Variants in NPHP1 observed in about 807,000 individuals in gnomAD.
NPHP1 encodes the protein nephrocystin-1.
NPHP1 carries 70 observed loss-of-function variants against 90.4 expected under a neutral mutation model. The ratio of observed to expected loss-of-function variants is 0.77; its 90% CI spans 0.64 to 0.95. The LOEUF is 0.95. Among genes scored for constraint, NPHP1 ranks in the 40% least tolerant of loss-of-function variants. The probability of loss-of-function intolerance (pLI) is 0.00; values close to 1 mark genes in which losing one functional copy is unlikely to be tolerated. For missense variants in NPHP1, 764 were observed against 795.9 expected, an observed-to-expected ratio of 0.96 and a Z score of 0.48; for synonymous variants, 256 against 271.7, an observed-to-expected ratio of 0.94 and a Z score of 0.57.
At position 110,144,505 on chromosome 2, in the gene NPHP1, T is replaced by C. The variant is rs761751890; in HGVS notation, c.1417A>G (p.Ile473Val). The C allele has an allele frequency of 3.1e-6, 5 of 1,603,374 alleles. No homozygotes were observed. Among genetic ancestry groups the C allele is most frequent in the Admixed American group, 3.3e-5 (2 of 60,004 alleles). Residue 473 changes from isoleucine to valine, a missense_variant, in exon 15 of 20, where the codon ATA becomes GTA. Physicochemically the swap from Ile to Val is conservative, Grantham distance 29. Coordinates refer to ENST00000445609, the MANE Select transcript of NPHP1 (RefSeq NM_001128178.3). ...ATGAGAGCCATACCTCTTCTGGATA[T>C]TGAAGGGTCCACTTCAATACCTTTT... ...YEKGIEVDPS[I>V]SRRAHGSVFY...
At chr2:110,194,041 C>T (rs1428364306) in intron 2 of NPHP1, among the ~76,000 whole-genome samples, 1 of 151,710 alleles carries the variant, frequency 6.6e-6, no homozygotes, top group Non-Finnish European at 1.5e-5. Flanking sequence ...ACTAAATGCC[C>T]ACAAGAGAAA....
intron 2 of NPHP1, among the ~76,000 whole-genome samples, chr2:110,180,465 T>C: frequency 7.0e-6 from 1 of 142,098 alleles, no homozygotes; most frequent in African/African-American, 2.7e-5. Context: ...TTTTTTTTTT[T>C]TTTTTTGCTT....
intron 11 of NPHP1, among the ~76,000 whole-genome samples, chr2:110,153,557 G>C (rs566752879): frequency 6.6e-6 from 1 of 152,240 alleles, no homozygotes; most frequent in East Asian, 1.9e-4. Context: ...ACTCCAACTG[G>C]AATGTTAACA....
intron 11 of NPHP1, among the ~76,000 whole-genome samples, chr2:110,153,481 T>C (rs970504571): frequency 1.3e-5 from 2 of 152,190 alleles, no homozygotes; most frequent in African/African-American, 4.8e-5. Context: ...AGAGGAAATA[T>C]TTAAGACAAC....
At chr2:110,125,881 A>G in intron 18 of NPHP1, 200 bp from the exon 19 acceptor site, 2 of 601,680 alleles carry the variant, frequency 3.3e-6, no homozygotes, top group Non-Finnish European at 5.9e-6. Flanking sequence ...TGTATCTGTG[A>G]AAAATGCCGT....
In NPHP1 at chr2:110,123,648, C is replaced by T. The variant is rs1679133831; in HGVS notation, c.*143G>A. On this transcript the variant is annotated 3_prime_UTR_variant, in exon 20 of 20. Coordinates refer to ENST00000445609, the MANE Select transcript of NPHP1 (RefSeq NM_001128178.3). ...TATTTAAATTATTGTATAAACATTT[C>T]TTTAAAAATATGGTCTGTAGAAAGA... The T allele has an allele frequency of 2.7e-6, 2 of 752,566 alleles. No individual in the cohort carries two copies. Among genetic ancestry groups the T allele is most frequent in the Non-Finnish European group, 4.4e-6 (2 of 457,420 alleles). 46.6% of individuals were successfully genotyped at this position (752,566 alleles called of 1,614,324 possible).
chr2:110,170,522 G>A (rs759491069), intron 4 of NPHP1, among the ~76,000 whole-genome samples: 4 of 152,106 alleles, frequency 2.6e-5, no homozygotes, highest in Non-Finnish European at 5.9e-5. Flanking sequence ...TTCCATAAAA[G>A]TCAGTTATGA....
At chr2:110,154,061 TG>T (rs1409890744) in intron 11 of NPHP1, among the ~76,000 whole-genome samples, 1 of 152,046 alleles carries the variant, frequency 6.6e-6, no homozygotes, top group Non-Finnish European at 1.5e-5. Flanking sequence ...CATCTTGAAT[TG>T]TAACTCCCAC....
Position 110,147,944 on chromosome 2 carries a change from AATAAT to A in NPHP1, c.1236_1240del (p.Leu413Ter). On this transcript the variant is annotated frameshift_variant, in exon 13 of 20. Coordinates refer to ENST00000445609, the MANE Select transcript of NPHP1 (RefSeq NM_001128178.3). LOFTEE classifies it high-confidence loss of function. ...GCGAATATAAGAAATTCCAAGTTCA[AATAAT>A]ATTCCAAGATCTGGAGATGCAGAAT... 1 of 1,603,784 alleles carries A rather than the reference AATAAT, an allele frequency of 6.2e-7. No homozygotes were observed. Among genetic ancestry groups the A allele is most frequent in the South Asian group, 1.1e-5 (1 of 90,878 alleles).
Position 110,149,573 on chromosome 2 carries a change from T to G in NPHP1, c.1158+609A>C, listed in dbSNP as rs151255429. Among the ~76,000 whole-genome samples the G allele has an allele frequency of 4.7e-4, 71 of 152,174 alleles. 2 individuals carry two copies. The East Asian group carries it at 0.013, about 28-fold the overall frequency. The stretch of plus-strand genomic sequence containing the variant: ...CTTGCCTTAAGATCTTTTGATGCAA[T>G]AAGAGGAAAGGTAACTAAGGGTTTT... On this transcript the variant is annotated intron_variant, in intron 12 of 19. Coordinates refer to ENST00000445609, the MANE Select transcript of NPHP1 (RefSeq NM_001128178.3).
chr2:110,151,344 G>C (rs1408968442), intron 11 of NPHP1, among the ~76,000 whole-genome samples: 1 of 151,916 alleles, frequency 6.6e-6, no homozygotes, highest in African/African-American at 2.4e-5. Flanking sequence ...AATGCTCTAT[G>C]CAAGAAGTTC....
intron 13 of NPHP1, among the ~76,000 whole-genome samples, chr2:110,147,610 C>T (rs933287516): frequency 6.6e-6 from 1 of 152,262 alleles, no homozygotes; most frequent in Admixed American, 6.5e-5. Context: ...CAGAGGTGAA[C>T]CATGGCGCTG....
At position 110,164,530 on chromosome 2, in the gene NPHP1, G is replaced by A. The variant is rs2104559150; in HGVS notation, c.771+158C>T. The stretch of plus-strand genomic sequence containing the variant: ...AATGAGAAATGTTACTTGGAGCACA[G>A]GCTTAGAAACCAGAAATATACGTCC... On this transcript the variant is annotated intron_variant, in intron 8 of 19. Coordinates refer to ENST00000445609, the MANE Select transcript of NPHP1 (RefSeq NM_001128178.3). The A allele has an allele frequency of 6.6e-7, 1 of 1,508,368 alleles. No homozygotes were observed. The highest frequency in any genetic ancestry group is 9.2e-7 in the Non-Finnish European group (1 of 1,084,356). The allele number at this position is 1,508,368 out of a possible 1,614,324, so 93.4% of individuals were successfully genotyped here.
chr2:110,181,864 A>G (rs1398969575), intron 2 of NPHP1, among the ~76,000 whole-genome samples: 1 of 152,178 alleles, frequency 6.6e-6, no homozygotes, highest in Non-Finnish European at 1.5e-5. Flanking sequence ...GTATGTTGAA[A>G]CCCACTGCAA....
intron 11 of NPHP1, among the ~76,000 whole-genome samples, chr2:110,153,555 T>C (rs1681646445): frequency 6.6e-6 from 1 of 152,158 alleles, no homozygotes; most frequent in Admixed American, 6.5e-5. Flanking sequence ...TCACTCCAAC[T>C]GGAATGTTAA....
intron 2 of NPHP1, among the ~76,000 whole-genome samples, chr2:110,182,901 C>T (rs918683261): frequency 4.6e-5 from 7 of 151,916 alleles, no homozygotes; most frequent in Non-Finnish European, 8.8e-5. Flanking sequence ...AAGAGATCCA[C>T]GTCATTTGCA....
intron 13 of NPHP1, among the ~76,000 whole-genome samples, chr2:110,147,300 T>C (rs1681125819): frequency 6.6e-6 from 1 of 152,048 alleles, no homozygotes; most frequent in African/African-American, 2.4e-5. Flanking sequence ...TCCCCAGTCC[T>C]ACCCCCTCCA....
At chr2:110,201,558 T>C in intron 1 of NPHP1, 64 bp from the exon 2 acceptor site, 2 of 1,138,934 alleles carry the variant, frequency 1.8e-6, no homozygotes, top group Non-Finnish European at 1.3e-6. Flanking sequence ...AGAAAACTTC[T>C]TTTTTTATCC....
At chr2:110,142,019 G>A (rs2104474524) in intron 16 of NPHP1, among the ~76,000 whole-genome samples, 1 of 151,488 alleles carries the variant, frequency 6.6e-6, no homozygotes, top group South Asian at 2.1e-4. Context: ...AAACAGTTTG[G>A]CAGTTTCTTA....
Sources: allele counts gnomAD v4.1 joint callset (sites outside exome capture counted in the v4.1 genomes callset), GRCh38; gene constraint gnomAD v4.1.1; transcripts MANE v1.5; gene names NCBI Gene and HGNC (gene_info 2026-07-23, HGNC 2026-07-21).